Variants in C6orf136 observed in about 807,000 individuals in gnomAD.
The protein encoded by C6orf136 is uncharacterized protein C6orf136.
A neutral mutation model predicts 44.0 loss-of-function variants in C6orf136; 29 were observed. The observed-to-expected ratio is 0.66, with a 90% CI of 0.49 to 0.90. The LOEUF (loss-of-function observed/expected upper bound fraction) is 0.90, where lower values mean the gene tolerates loss of function less well. Among genes scored for constraint, C6orf136 ranks in the 40% least tolerant of loss-of-function variants. The pLI is 0.00. For missense variants in C6orf136, 628 were observed against 669.3 expected (o/e 0.94, Z 0.68); for synonymous variants, 293 against 278.6 (o/e 1.05, Z -0.52).
rs1210374903 is a variant in C6orf136 at position 30,649,744 on chromosome 6, C to A, written c.802C>A (p.Pro268Thr). 6.2e-7 allele frequency: 1 copy of A among 1,613,900 alleles called. No individual in the cohort carries two copies. Among genetic ancestry groups the A allele is most frequent in the Non-Finnish European group, 8.5e-7 (1 of 1,179,928 alleles). Residue 268 changes from proline (P) to threonine (T), a missense_variant, in exon 2 of 6, where the codon CCT becomes ACT. Coordinates refer to ENST00000651131, the MANE Select transcript of C6orf136 (RefSeq NM_001161376.2). ...QALSSAWVVLPPGKGEEGPGP... is the reference protein window; with the variant it reads ...QALSSAWVVLTPGKGEEGPGP... ...CCTCAGCTCAGCATGGGTGGTTCTC[C>A]CTCCAGGAAAGGGGGAGGAGGGACC...
In C6orf136 at chr6:30,651,101, G is replaced by T; in HGVS notation, c.1106+19G>T. 1 of 1,606,698 alleles carries T rather than the reference G, an allele frequency of 6.2e-7. No homozygotes were observed. Among genetic ancestry groups the T allele is most frequent in the Non-Finnish European group, 8.5e-7 (1 of 1,173,360 alleles). Reference sequence around the variant, plus strand: ...GTACCAAGTGAGAATTGGGGCACAGGTAGGGCACTGGGGAGGAAAAGCACC... The same window carrying T: ...GTACCAAGTGAGAATTGGGGCACAGTTAGGGCACTGGGGAGGAAAAGCACC... On this transcript the variant is annotated intron_variant, in intron 3 of 5. Coordinates refer to ENST00000651131, the MANE Select transcript of C6orf136 (RefSeq NM_001161376.2).
intron 2 of C6orf136, 116 bp from the exon 3 acceptor site, chr6:30,650,878 C>A: frequency 1.4e-6 from 1 of 729,020 alleles, no homozygotes; most frequent in Non-Finnish European, 2.3e-6. Context: ...TACCTCTGTA[C>A]TCCAGCCTGG....
At position 30,647,855 on chromosome 6, in the gene C6orf136, GCGGT is replaced by G; in HGVS notation, c.615+11_615+14del. 2 of 1,472,014 alleles carry G rather than the reference GCGGT, an allele frequency of 1.4e-6. No individual in the cohort carries two copies. Among genetic ancestry groups the G allele is most frequent in the Non-Finnish European group, 1.8e-6 (2 of 1,111,956 alleles). The allele number at this position is 1,472,014 out of a possible 1,614,324, so 91.2% of individuals were successfully genotyped here. On this transcript the variant is annotated intron_variant, in intron 1 of 5. Transcript: ENST00000651131. This position sits in a 1 kb window ranked among gnomAD's most constrained non-coding sequence, Gnocchi z 4.8. The stretch of plus-strand genomic sequence containing the variant: ...CACCATCGGGGACCGAGGTACCCGA[GCGGT>G]CCGCCCGCCTTCCCTGCAGTGAGAC...
rs1161671049 is a variant in C6orf136 at position 30,649,725 on chromosome 6, C to T, written c.783C>T (p.Ser261=). ...PLPLPQIQAL[S]SAWVVLPPGK... is the part of the protein sequence containing the mutation. ...CTCTCCCTCAGATCCAGGCCCTCAGCTCAGCATGGGTGGTTCTCCCTCCAG... is the reference window on the plus strand; with the variant it reads ...CTCTCCCTCAGATCCAGGCCCTCAGTTCAGCATGGGTGGTTCTCCCTCCAG... Residue 261 remains serine (S), a synonymous_variant, in exon 2 of 6, where the codon AGC becomes AGT. Transcript: ENST00000651131. 1.2e-6 allele frequency: 2 copies of T among 1,613,448 alleles called. No individual in the cohort carries two copies. Among genetic ancestry groups the T allele is most frequent in the African/African-American group, 1.3e-5 (1 of 74,858 alleles).
rs1308923904 is a variant in C6orf136, at chr6:30,647,662, G to T, written c.431G>T (p.Arg144Leu). 1 of 1,549,998 alleles carries T rather than the reference G, an allele frequency of 6.5e-7. No individual in the cohort carries two copies. ...CGTAGCCCTGCTGCGGCGCCGTCCC[G>T]GAGTTCCCCGGCCCAGACCAGACCC... is the stretch of plus-strand genomic sequence containing the variant. Reference protein sequence around the residue: ...EIRSPAAAPSRSSPAQTRPAG... With the variant: ...EIRSPAAAPSLSSPAQTRPAG... The change falls in exon 1 of 6, where the codon CGG becomes CTG. Residue 144 changes from arginine to leucine, a missense_variant. Coordinates refer to ENST00000651131, the MANE Select transcript of C6orf136 (RefSeq NM_001161376.2). This position sits in a 1 kb window ranked among gnomAD's most constrained non-coding sequence, Gnocchi z 4.8.
Position 30,653,144 on chromosome 6 carries a change from C to A in C6orf136, c.*229C>A. 1 of 1,413,380 alleles carries A rather than the reference C, an allele frequency of 7.1e-7. No homozygotes were observed. Among genetic ancestry groups the A allele is most frequent in the South Asian group, 1.4e-5 (1 of 70,610 alleles). 87.6% of individuals were successfully genotyped at this position (1,413,380 alleles called of 1,614,324 possible). A position where few individuals can be genotyped will look rare whatever the true frequency, so the allele number is the denominator to read the frequency against. ...TCACTTTCTCTAGATCCCAAATGTT[C>A]CCACAAGCTTTATTCCAAAAATAAT... On this transcript the variant is annotated 3_prime_UTR_variant, in exon 6 of 6. Coordinates refer to ENST00000651131, the MANE Select transcript of C6orf136 (RefSeq NM_001161376.2).
chr6:30,650,980 C>T lies in C6orf136; in HGVS notation c.1018-14C>T. On this transcript the variant is annotated splice_polypyrimidine_tract_variant and intron_variant, in intron 2 of 5. Transcript: ENST00000651131. ...TTCTTTCCCACTGGGTTGATGCCAT[C>T]TTCTTCCACCTAGCTTCCCAAGCTC... 6.3e-7 allele frequency: 1 copy of T among 1,594,714 alleles called. No homozygotes were observed. The highest frequency in any genetic ancestry group is 1.1e-5 in the South Asian group (1 of 90,632).
At position 30,652,916 on chromosome 6, in the gene C6orf136, T is replaced by C; in HGVS notation, c.*1T>C. Reference sequence around the variant, plus strand: ...CTTAAACCTGTGTTCCAAGCCCTGATCCTTGACCTTGGAGTGGAGGCAGCA... The same window carrying C: ...CTTAAACCTGTGTTCCAAGCCCTGACCCTTGACCTTGGAGTGGAGGCAGCA... On this transcript the variant is annotated 3_prime_UTR_variant, in exon 6 of 6. Transcript: ENST00000651131. The C allele has an allele frequency of 6.2e-7, 1 of 1,611,612 alleles. No individual in the cohort carries two copies. The highest frequency in any genetic ancestry group is 2.2e-5 in the East Asian group (1 of 44,872).
rs760527127 is a variant in C6orf136, at chr6:30,651,297, C to T, written c.1138C>T (p.Leu380Phe). 6.2e-7 allele frequency: 1 copy of T among 1,614,076 alleles called. No individual in the cohort carries two copies. The highest frequency in any genetic ancestry group is 1.7e-5 in the Admixed American group (1 of 60,018). ...GRTWYILSLT[L>F]CRFLAWNYFA... Reference sequence around the variant, plus strand: ...GACATGGTACATTCTTTCACTGACCCTCTGCCGTTTCCTGGCCTGGAATTA... The same window carrying T: ...GACATGGTACATTCTTTCACTGACCTTCTGCCGTTTCCTGGCCTGGAATTA... Residue 380 changes from leucine to phenylalanine, a missense_variant, in exon 4 of 6, where the codon CTC becomes TTC. Around this residue, in one of 2 missense-constraint regions of C6orf136, gnomAD observed 131 missense variants for 200.1 expected, o/e 0.65. Coordinates refer to ENST00000651131, the MANE Select transcript of C6orf136 (RefSeq NM_001161376.2).
At position 30,647,155 on chromosome 6, in the gene C6orf136, G is replaced by A; in HGVS notation, c.-77G>A. The A allele has an allele frequency of 1.0e-6, 1 of 977,682 alleles. No individual in the cohort carries two copies. Among genetic ancestry groups the A allele is most frequent in the Non-Finnish European group, 1.3e-6 (1 of 744,568 alleles). The allele number at this position is 977,682 out of a possible 1,614,324, so 60.6% of individuals were successfully genotyped here. A position where few individuals can be genotyped will look rare whatever the true frequency, so the allele number is the denominator to read the frequency against. On this transcript the variant is annotated 5_prime_UTR_variant, in exon 1 of 6. Coordinates refer to ENST00000651131, the MANE Select transcript of C6orf136 (RefSeq NM_001161376.2). This position sits in a 1 kb window ranked among gnomAD's most constrained non-coding sequence, Gnocchi z 4.8. ...GGCCTCCTTTCCCCTTCACGAAGCCGGCTCTGGGGCGCGCTCACCCCTGTG... is the reference window on the plus strand; with the variant it reads ...GGCCTCCTTTCCCCTTCACGAAGCCAGCTCTGGGGCGCGCTCACCCCTGTG...
intron 2 of C6orf136, 23 bp downstream of exon 2, chr6:30,649,982 T>TAAG: frequency 6.2e-7 from 1 of 1,605,920 alleles, no homozygotes; most frequent in Non-Finnish European, 8.5e-7. Context: ...AAAAGTGGCC[T>TAAG]TCGTCTACAG....
chr6:30,647,172 A>G lies in C6orf136; in HGVS notation c.-60A>G. The G allele has an allele frequency of 7.8e-7, 1 of 1,289,640 alleles. No homozygotes were observed. The highest frequency in any genetic ancestry group is 1.0e-6 in the Non-Finnish European group (1 of 1,002,560). 79.9% of individuals were successfully genotyped at this position (1,289,640 alleles called of 1,614,324 possible). A position where few individuals can be genotyped will look rare whatever the true frequency, so the allele number is the denominator to read the frequency against. ...ACGAAGCCGGCTCTGGGGCGCGCTC[A>G]CCCCTGTGAGGAGGCCGGAGGTCGG... On this transcript the variant is annotated 5_prime_UTR_variant, in exon 1 of 6. Transcript: ENST00000651131. This position sits in a 1 kb window ranked among gnomAD's most constrained non-coding sequence, Gnocchi z 4.8.
In C6orf136 at chr6:30,651,600, G is replaced by A. The variant is rs368519994; in HGVS notation, c.1307+134G>A. 27 of 849,772 alleles carry A rather than the reference G, an allele frequency of 3.2e-5. No homozygotes were observed. In the Admixed American group the frequency reaches 3.5e-4, roughly 11 times the overall value. 52.6% of individuals were successfully genotyped at this position (849,772 alleles called of 1,614,324 possible). ...CAGCTCACTGCAGCCTCTGCCTCCC[G>A]GCTTCCAGCAATTCTCCAGCCTCAG... On this transcript the variant is annotated intron_variant, in intron 4 of 5. Transcript: ENST00000651131.
At position 30,651,391 on chromosome 6, in the gene C6orf136, G is replaced by C; in HGVS notation, c.1232G>C (p.Arg411Pro). The C allele has an allele frequency of 1.2e-6, 2 of 1,613,590 alleles. No homozygotes were observed. The highest frequency in any genetic ancestry group is 8.5e-7 in the Non-Finnish European group (1 of 1,180,032). Residue 411 changes from arginine (R) to proline (P), a missense_variant, in exon 4 of 6, where the codon CGG becomes CCG. Arg to Pro is a moderately radical substitution (Grantham distance 103). Around this residue, in one of 2 missense-constraint regions of C6orf136, gnomAD observed 131 missense variants for 200.1 expected, o/e 0.65. Coordinates refer to ENST00000651131, the MANE Select transcript of C6orf136 (RefSeq NM_001161376.2). ...CCTGAGAACTGGACCCTGCAAGCCC[G>C]GTGGCGGCTTGTGGGGCTGCCCGTC... The part of the protein sequence containing the change: ...RHPENWTLQA[R>P]WRLVGLPVHL...
Position 30,647,996 on chromosome 6 carries a change from T to G in C6orf136, c.615+150T>G. 1 of 1,204,406 alleles carries G rather than the reference T, an allele frequency of 8.3e-7. No homozygotes were observed. Among genetic ancestry groups the G allele is most frequent in the Middle Eastern group, 2.9e-4 (1 of 3,448 alleles). 74.6% of individuals were successfully genotyped at this position (1,204,406 alleles called of 1,614,324 possible). A position where few individuals can be genotyped will look rare whatever the true frequency, so the allele number is the denominator to read the frequency against. On this transcript the variant is annotated intron_variant, in intron 1 of 5. Transcript: ENST00000651131. The surrounding 1 kb of genome is among the most constrained non-coding windows in gnomAD (Gnocchi z 4.8). ...AACCCAGGAGAGTGAAGGCCAGCCT[T>G]TAACTGTCTCCTGAGGTTGTGTCTG...
At chr6:30,651,114 G>T in intron 3 of C6orf136, 32 bp downstream of exon 3, 1 of 1,596,484 alleles carries the variant, frequency 6.3e-7, no homozygotes, top group Non-Finnish European at 8.6e-7. Context: ...GGGCACTGGG[G>T]AGGAAAAGCA....
chr6:30,647,419 C>T lies in C6orf136; in HGVS notation c.188C>T (p.Pro63Leu). The change falls in exon 1 of 6, where the codon CCC (proline) becomes CTC (leucine). Residue 63 changes from proline to leucine, a missense_variant. Pro to Leu is a moderately conservative substitution (Grantham distance 98). This residue lies in a region of C6orf136 where 497 missense variants were observed against 469.2 expected (regional missense o/e 1.06). Transcript: ENST00000651131. This position sits in a 1 kb window ranked among gnomAD's most constrained non-coding sequence, Gnocchi z 4.8. Reference protein sequence around the residue: ...GSAQAQRHPPPLPTCALQRVD... With the variant: ...GSAQAQRHPPLLPTCALQRVD... Reference sequence around the variant, plus strand: ...GCGCAGGCGCAGAGACACCCGCCGCCCCTTCCCACCTGTGCCCTGCAGCGC... The same window carrying T: ...GCGCAGGCGCAGAGACACCCGCCGCTCCTTCCCACCTGTGCCCTGCAGCGC... 3 of 1,466,008 alleles carry T rather than the reference C, an allele frequency of 2.0e-6. No individual in the cohort carries two copies. The highest frequency in any genetic ancestry group is 1.4e-5 in the South Asian group (1 of 73,172). The allele number at this position is 1,466,008 out of a possible 1,614,324, so 90.8% of individuals were successfully genotyped here. A position where few individuals can be genotyped will look rare whatever the true frequency, so the allele number is the denominator to read the frequency against.
intron 4 of C6orf136, among the ~76,000 whole-genome samples, chr6:30,651,866 TA>T (rs150053919): frequency 4.2e-4 from 62 of 148,936 alleles, no homozygotes; most frequent in African/African-American, 1.4e-3. Context: ...ATGTTAATGT[TA>T]AAAAAAAAAT....
rs942806432 is a variant in C6orf136 at position 30,649,853 on chromosome 6, T to C, written c.911T>C (p.Ile304Thr). Residue 304 changes from isoleucine (I) to threonine (T), a missense_variant, in exon 2 of 6, where the codon ATA becomes ACA. Physicochemically the swap from Ile to Thr is moderately conservative, Grantham distance 89. Coordinates refer to ENST00000651131, the MANE Select transcript of C6orf136 (RefSeq NM_001161376.2). ...CCCTGCCCCTATCCTGGGGCTTGGA[T>C]ACCTTTCCAAGTCCCTGGAACTGCC... The part of the protein sequence containing the change: ...GPPCPYPGAW[I>T]PFQVPGTAHP... 2.5e-6 allele frequency: 4 copies of C among 1,613,980 alleles called. No individual in the cohort carries two copies. Among genetic ancestry groups the C allele is most frequent in the Non-Finnish European group, 1.7e-6 (2 of 1,179,942 alleles).
Sources: allele counts gnomAD v4.1 joint callset (sites outside exome capture counted in the v4.1 genomes callset), GRCh38; gene constraint gnomAD v4.1.1; regional missense constraint gnomAD v4.1.1; non-coding constraint Gnocchi (gnomAD v3.1); transcripts MANE v1.5; gene names NCBI Gene and HGNC (gene_info 2026-07-23, HGNC 2026-07-21).